Variants in POLE observed in about 807,000 individuals in gnomAD.
The protein encoded by POLE is DNA polymerase epsilon, catalytic subunit.
POLE carries 188 observed loss-of-function variants against 279.2 expected under a neutral mutation model. The ratio of observed to expected loss-of-function variants is 0.67; its 90% CI spans 0.60 to 0.76. The LOEUF is 0.76. Among genes scored for constraint, POLE ranks in the 30% least tolerant of loss-of-function variants. The pLI is 0.00. For synonymous variants in POLE, 1,214 were observed against 1,172.5 expected (o/e 1.04, Z -0.72); for missense variants, 2,703 against 3,016.7 (o/e 0.90, Z 2.44).
In POLE at chr12:132,634,321, C is replaced by CCTCATCGTCCTCATTTTCCTG. The variant is rs1302016488; in HGVS notation, c.5848_5868dup (p.Gln1950_Glu1956dup). ...TCCTCCTCCTCCCCATCTCTTTCCT[C>CCTCATCGTCCTCATTTTCCTG]CTCATCGTCCTCATTTTCCTGCTCA... is the stretch of plus-strand genomic sequence containing the variant. On this transcript the variant is annotated inframe_insertion, in exon 43 of 49. Transcript: ENST00000320574. This position sits in a 1 kb window ranked among gnomAD's most constrained non-coding sequence, Gnocchi z 4.0. 22 of 1,614,176 alleles carry CCTCATCGTCCTCATTTTCCTG rather than the reference C, an allele frequency of 1.4e-5. No individual in the cohort carries two copies. The highest frequency in any genetic ancestry group is 1.8e-5 in the Non-Finnish European group (21 of 1,180,000).
chr12:132,659,900 C>T lies in POLE; in HGVS notation c.3061-391G>A, dbSNP rs375687455. ...AGAGAAAGGGTTTTGCCATGTTGGCCAGGCTGGTTTCCAACTCCTGACCTC... is the reference window on the plus strand; with the variant it reads ...AGAGAAAGGGTTTTGCCATGTTGGCTAGGCTGGTTTCCAACTCCTGACCTC... On this transcript the variant is annotated intron_variant, in intron 25 of 48. Transcript: ENST00000320574. 9 of 211,764 alleles carry T rather than the reference C, an allele frequency of 4.3e-5. No individual in the cohort carries two copies. In the East Asian group the frequency reaches 9.7e-4, roughly 23 times the overall value. 13.1% of individuals were successfully genotyped at this position (211,764 alleles called of 1,614,324 possible). A position where few individuals can be genotyped will look rare whatever the true frequency, so the allele number is the denominator to read the frequency against.
At chr12:132,643,078 C>T (rs766476073) in intron 35 of POLE, 82 bp from the exon 36 acceptor site, 183 of 1,481,802 alleles carry the variant, frequency 1.2e-4, no homozygotes, top group Admixed American at 1.7e-4. Context: ...ACCACTGCCA[C>T]GGCACTGCCA....
In POLE at chr12:132,638,161, C is replaced by T. The variant is rs765357630; in HGVS notation, c.5553-22G>A. The T allele has an allele frequency of 4.0e-5, 64 of 1,611,106 alleles. No homozygotes were observed. The highest frequency in any genetic ancestry group is 1.6e-4 in the Middle Eastern group (1 of 6,074). The stretch of plus-strand genomic sequence containing the variant: ...GAGCCTGTGGAGCAAGTTGAGAGTC[C>T]GTGGTGGAGACGCCACAGTCATGGA... On this transcript the variant is annotated intron_variant, in intron 40 of 48. Transcript: ENST00000320574.
chr12:132,675,762 A>G lies in POLE; in HGVS notation c.1079T>C (p.Val360Ala). Reference protein sequence around the residue: ...HVQETKPTIMVTYNGDFFDWP... With the variant: ...HVQETKPTIMATYNGDFFDWP... ...GTCAAAAAAGTCCCCGTTGTAGGTG[A>G]CCATGATGGTGGGTTTGGTCTCCTG... The change falls in exon 11 of 49, where the codon GTC becomes GCC. Residue 360 changes from valine (V) to alanine (A), a missense_variant. Transcript: ENST00000320574. The surrounding 1 kb of genome is among the most constrained non-coding windows in gnomAD (Gnocchi z 4.3). 6.2e-7 allele frequency: 1 copy of G among 1,614,140 alleles called. No homozygotes were observed. Among genetic ancestry groups the G allele is most frequent in the Non-Finnish European group, 8.5e-7 (1 of 1,179,980 alleles).
At chr12:132,628,108 C>G (rs1379606597) in intron 45 of POLE, among the ~76,000 whole-genome samples, 1 of 152,170 alleles carries the variant, frequency 6.6e-6, no homozygotes, top group East Asian at 1.9e-4. Context: ...CTTTGGGAGG[C>G]CGAGGTGGGC....
Position 132,661,510 on chromosome 12 carries a change from A to G in POLE, c.2864+17T>C. Reference sequence around the variant, plus strand: ...ATCCATGTCCTTTCTAAAGCACAAAAGCTATGAGAGTCCCACCTCTTCTTC... The same window carrying G: ...ATCCATGTCCTTTCTAAAGCACAAAGGCTATGAGAGTCCCACCTCTTCTTC... On this transcript the variant is annotated intron_variant, in intron 24 of 48. Transcript: ENST00000320574. This position sits in a 1 kb window ranked among gnomAD's most constrained non-coding sequence, Gnocchi z 4.1. 1 of 1,613,350 alleles carries G rather than the reference A, an allele frequency of 6.2e-7. No individual in the cohort carries two copies. The highest frequency in any genetic ancestry group is 8.5e-7 in the Non-Finnish European group (1 of 1,179,522).
intron 16 of POLE, 31 bp downstream of exon 16, chr12:132,672,184 G>A: frequency 2.0e-6 from 3 of 1,487,632 alleles, no homozygotes; most frequent in Non-Finnish European, 2.8e-6. Context: ...GCCAAACACA[G>A]ACTGGCTCTT....
In POLE at chr12:132,637,578, C is replaced by G. The variant is rs550566684; in HGVS notation, c.5678+436G>C. On this transcript the variant is annotated intron_variant, in intron 41 of 48. Coordinates refer to ENST00000320574, the MANE Select transcript of POLE (RefSeq NM_006231.4). Reference sequence around the variant, plus strand: ...GGCAGGAAGTCAAAACCACACCAGGCTCTGACAGCTGAGAGCTGTGCACAC... The same window carrying G: ...GGCAGGAAGTCAAAACCACACCAGGGTCTGACAGCTGAGAGCTGTGCACAC... Among the ~76,000 whole-genome samples the G allele has an allele frequency of 2.6e-5, 4 of 152,124 alleles. No individual in the cohort carries two copies. The East Asian group carries it at 7.7e-4, about 29-fold the overall frequency.
rs5744738 is a variant in POLE, at chr12:132,680,318, C to T, written c.286-96G>A. On this transcript the variant is annotated intron_variant, in intron 3 of 48. Coordinates refer to ENST00000320574, the MANE Select transcript of POLE (RefSeq NM_006231.4). The stretch of plus-strand genomic sequence containing the variant: ...GCTTGCTCCTATATCCCATGAACAG[C>T]CTAGGGCCAGGGTAGCCTTGACCTT... The T allele has an allele frequency of 0.38, 429,165 of 1,143,284 alleles. 85,506 individuals carry two copies. The highest frequency in any genetic ancestry group is 0.41 in the Non-Finnish European group (308,044 of 753,852). The allele number at this position is 1,143,284 out of a possible 1,614,324, so 70.8% of individuals were successfully genotyped here. A position where few individuals can be genotyped will look rare whatever the true frequency, so the allele number is the denominator to read the frequency against.
chr12:132,625,551 G>A (rs2041818737), intron 47 of POLE, 94 bp downstream of exon 47: 2 of 1,502,158 alleles, frequency 1.3e-6, no homozygotes, highest in Non-Finnish European at 1.8e-6. Context: ...ACCAGGGCGT[G>A]CCTCAGGACC....
In POLE at chr12:132,668,792, A is replaced by G. The variant is rs1367367459; in HGVS notation, c.1923+19T>C. 6.2e-7 allele frequency: 1 copy of G among 1,613,886 alleles called. No homozygotes were observed. Among genetic ancestry groups the G allele is most frequent in the Admixed American group, 1.7e-5 (1 of 60,024 alleles). ...GGGCAGAGAGAGCTCCGACTCTGAC[A>G]CGGGAAGTAAAGTCTCACCTGCAGG... On this transcript the variant is annotated intron_variant, in intron 17 of 48. Coordinates refer to ENST00000320574, the MANE Select transcript of POLE (RefSeq NM_006231.4). The surrounding 1 kb of genome is among the most constrained non-coding windows in gnomAD (Gnocchi z 4.0).
At chr12:132,635,023 G>A (rs1274229735) in intron 42 of POLE, among the ~76,000 whole-genome samples, 4 of 152,072 alleles carry the variant, frequency 2.6e-5, no homozygotes, top group Non-Finnish European at 5.9e-5. Flanking sequence ...CCTTACAAAG[G>A]GCTTTCCCTC....
chr12:132,642,613 G>C lies in POLE; in HGVS notation c.4845C>G (p.Asp1615Glu), dbSNP rs1060504046. ...AGTCCAGGACCCCATAGTTGATCTT[G>C]TCAGCCACACAGATAGGCACCAGTG... is the stretch of plus-strand genomic sequence containing the variant. Reference protein sequence around the residue: ...EFPLVPICVADKINYGVLDWQ... With the variant: ...EFPLVPICVAEKINYGVLDWQ... The change falls in exon 37 of 49, where the codon GAC (aspartate) becomes GAG (glutamate). Residue 1615 changes from aspartate to glutamate, a missense_variant. Transcript: ENST00000320574. 1 of 1,613,422 alleles carries C rather than the reference G, an allele frequency of 6.2e-7. No homozygotes were observed. Among genetic ancestry groups the C allele is most frequent in the Non-Finnish European group, 8.5e-7 (1 of 1,180,050 alleles).
In POLE at chr12:132,664,098, C is replaced by T. The variant is rs770470552; in HGVS notation, c.2612G>A (p.Ser871Asn). ...CTTGAAGACAAAATTTTCTGGGAAG[C>T]TGTTGGGCAGGACGCACCATATACC... is the stretch of plus-strand genomic sequence containing the variant. Reference protein sequence around the residue: ...TDGIWCVLPNSFPENFVFKTT... With the variant: ...TDGIWCVLPNNFPENFVFKTT... Residue 871 changes from serine (S) to asparagine (N), a missense_variant, in exon 23 of 49, where the codon AGC becomes AAC. Coordinates refer to ENST00000320574, the MANE Select transcript of POLE (RefSeq NM_006231.4). This position sits in a 1 kb window ranked among gnomAD's most constrained non-coding sequence, Gnocchi z 5.3. 1 of 1,614,218 alleles carries T rather than the reference C, an allele frequency of 6.2e-7. No individual in the cohort carries two copies. Among genetic ancestry groups the T allele is most frequent in the Non-Finnish European group, 8.5e-7 (1 of 1,180,014 alleles).
intron 40 of POLE, 101 bp from the exon 41 acceptor site, chr12:132,638,240 G>A (rs2042074458): frequency 9.1e-7 from 1 of 1,097,758 alleles, no homozygotes; most frequent in Admixed American, 2.7e-5. Context: ...GGGTCCTGAA[G>A]CAGAAAAGCC....
At chr12:132,652,657 C>A (rs1363431779) in intron 29 of POLE, among the ~76,000 whole-genome samples, 1 of 152,186 alleles carries the variant, frequency 6.6e-6, no homozygotes, top group Non-Finnish European at 1.5e-5. Context: ...CAACAACTTA[C>A]TTCTCCAAAT....
intron 1 of POLE, among the ~76,000 whole-genome samples, chr12:132,683,125 T>C (rs117312259): frequency 0.039 from 5,904 of 152,170 alleles, 222 homozygotes; most frequent in Admixed American, 0.12. Flanking sequence ...GCAGGCAGGA[T>C]GACACCCCCC....
At chr12:132,648,787 G>A (rs1050378297) in intron 32 of POLE, 142 bp downstream of exon 32, 5 of 884,718 alleles carry the variant, frequency 5.7e-6, no homozygotes, top group Admixed American at 2.4e-5. Context: ...GGTGCTCAGC[G>A]CTCACACACG....
chr12:132,637,924 C>T (rs2138498511), intron 41 of POLE, 90 bp downstream of exon 41: 1 of 1,457,568 alleles, frequency 6.9e-7, no homozygotes, highest in Non-Finnish European at 9.4e-7. Context: ...CCTCCCAGCC[C>T]ACCCAGGAGG....
Sources: gnomAD v4.1 joint callset for allele counts (sites outside exome capture counted in the v4.1 genomes callset) on GRCh38, gnomAD v4.1.1 for gene constraint, Gnocchi (gnomAD v3.1) non-coding constraint, MANE v1.5 for transcripts, NCBI Gene and HGNC (gene_info 2026-07-23, HGNC 2026-07-21) for gene names.